Variants in TBL1XR1 observed in about 807,000 individuals in gnomAD.
The protein encoded by TBL1XR1 is TBL1X/Y related 1.
TBL1XR1 carries 5 observed loss-of-function variants against 66.9 expected under a neutral mutation model. The observed-to-expected ratio is 0.07, with a 90% confidence interval of 0.04 to 0.16. The LOEUF (loss-of-function observed/expected upper bound fraction) is 0.16. Among genes scored for constraint, TBL1XR1 ranks in the 10% least tolerant of loss-of-function variants. TBL1XR1 has a pLI of 1.00. For missense variants in TBL1XR1, 238 were observed against 623.2 expected (o/e 0.38, Z 6.58); for synonymous variants, 210 against 206.0 (o/e 1.02, Z -0.17).
intron 2 of TBL1XR1, among the ~76,000 whole-genome samples, chr3:177,067,378 T>C (rs1421079494): frequency 6.6e-6 from 1 of 152,164 alleles, no homozygotes; most frequent in Non-Finnish European, 1.5e-5. Context: ...TATCATTCAG[T>C]CCAAAACTTG....
intron 1 of TBL1XR1, among the ~76,000 whole-genome samples, chr3:177,157,114 T>TA (rs891076655): frequency 1.3e-5 from 2 of 152,094 alleles, no homozygotes; most frequent in African/African-American, 4.8e-5. Flanking sequence ...GAGGCTGAGG[T>TA]AAGAGGACTG....
At chr3:177,197,092 C>A (rs145483026) in intron 1 of TBL1XR1, 29 bp downstream of exon 1, 5 of 152,004 alleles carry the variant, frequency 3.3e-5, no homozygotes, top group African/African-American at 1.2e-4. Flanking sequence ...CGGCCGCCCC[C>A]ACTCCAGGGT....
chr3:177,190,977 A>G (rs1020743517), intron 1 of TBL1XR1, among the ~76,000 whole-genome samples: 3 of 152,198 alleles, frequency 2.0e-5, no homozygotes, highest in Non-Finnish European at 2.9e-5. Context: ...AAATATCCTG[A>G]GTCAGGATGG....
chr3:177,101,957 G>A (rs1374678935), intron 1 of TBL1XR1, among the ~76,000 whole-genome samples: 1 of 150,968 alleles, frequency 6.6e-6, no homozygotes, highest in African/African-American at 2.5e-5. Context: ...TTAACCATTA[G>A]AATTTTTTTT....
At chr3:177,079,005 T>A (rs1479752419) in intron 2 of TBL1XR1, among the ~76,000 whole-genome samples, 2 of 151,906 alleles carry the variant, frequency 1.3e-5, no homozygotes, top group African/African-American at 2.4e-5. Context: ...CCAATTTGAG[T>A]ACCGATACAG....
intron 2 of TBL1XR1, among the ~76,000 whole-genome samples, chr3:177,092,193 T>G (rs1190382036): frequency 6.6e-6 from 1 of 152,176 alleles, no homozygotes; most frequent in African/African-American, 2.4e-5. Flanking sequence ...ATTTCAGATG[T>G]TGGAGCATTT....
intron 12 of TBL1XR1, among the ~76,000 whole-genome samples, chr3:177,034,963 A>G (rs1350040182): frequency 6.6e-6 from 1 of 152,052 alleles, no homozygotes; most frequent in African/African-American, 2.4e-5. Context: ...ATCACTCAAT[A>G]AAGACATGGT....
chr3:177,030,782 C>A (rs999428498), intron 14 of TBL1XR1, among the ~76,000 whole-genome samples: 1 of 152,230 alleles, frequency 6.6e-6, no homozygotes, highest in African/African-American at 2.4e-5. Context: ...GATTCACTTT[C>A]ATCAACTCTG....
intron 1 of TBL1XR1, among the ~76,000 whole-genome samples, chr3:177,122,676 G>A (rs889491014): frequency 2.6e-5 from 4 of 152,124 alleles, no homozygotes; most frequent in African/African-American, 9.7e-5. Context: ...CTAGCAGATA[G>A]GGCTAAATAA....
At chr3:177,057,992 G>C (rs144849086) in intron 3 of TBL1XR1, among the ~76,000 whole-genome samples, 166 of 152,272 alleles carry the variant, frequency 1.1e-3, no homozygotes, top group African/African-American at 4.0e-3. Flanking sequence ...CTTTCTGTAA[G>C]GATGTTAGGG....
chr3:177,039,426 T>C (rs1166962036), intron 10 of TBL1XR1, among the ~76,000 whole-genome samples: 1 of 152,232 alleles, frequency 6.6e-6, no homozygotes, highest in East Asian at 1.9e-4. Flanking sequence ...ATACGGCATA[T>C]GATTTGCAAA....
intron 1 of TBL1XR1, among the ~76,000 whole-genome samples, chr3:177,181,405 G>A (rs1352472635): frequency 4.0e-5 from 6 of 151,786 alleles, no homozygotes; most frequent in Admixed American, 2.0e-4. Context: ...ACCTGAACCC[G>A]GGAGGTGGAG....
chr3:177,045,237 A>G (rs947706427), intron 10 of TBL1XR1, among the ~76,000 whole-genome samples: 3 of 152,146 alleles, frequency 2.0e-5, no homozygotes, highest in Non-Finnish European at 4.4e-5. Context: ...ATTTGAGAAT[A>G]ACCAGGGTTA....
At chr3:177,059,506 A>G (rs529411062) in intron 3 of TBL1XR1, among the ~76,000 whole-genome samples, 6 of 152,228 alleles carry the variant, frequency 3.9e-5, no homozygotes, top group Non-Finnish European at 7.3e-5. Context: ...TTTTACAAAT[A>G]TAACATTTGA....
At chr3:177,087,237 A>AAG in intron 2 of TBL1XR1, among the ~76,000 whole-genome samples, 1 of 149,948 alleles carries the variant, frequency 6.7e-6, no homozygotes, top group Non-Finnish European at 1.5e-5. Context: ...TAAAAAAAAA[A>AAG]TTAAACTAAT....
At chr3:177,113,203 T>C (rs1490295967) in intron 1 of TBL1XR1, among the ~76,000 whole-genome samples, 1 of 150,306 alleles carries the variant, frequency 6.7e-6, no homozygotes, top group Non-Finnish European at 1.5e-5. Context: ...TTTCACCATA[T>C]ACAAAAATTA....
At chr3:177,085,527 T>C (rs1722008806) in intron 2 of TBL1XR1, among the ~76,000 whole-genome samples, 1 of 152,074 alleles carries the variant, frequency 6.6e-6, no homozygotes, top group Non-Finnish European at 1.5e-5. Context: ...GTCAGAATTC[T>C]CAAAGATGCC....
chr3:177,199,476 T>C (rs1400049315), upstream of TBL1XR1, among the ~76,000 whole-genome samples: 1 of 122,184 alleles, frequency 8.2e-6, no homozygotes, highest in Non-Finnish European at 1.8e-5. Flanking sequence ...CAATGAAACA[T>C]ATCTATTGGC....
intron 1 of TBL1XR1, among the ~76,000 whole-genome samples, chr3:177,102,593 G>C (rs1242211608): frequency 6.6e-6 from 1 of 152,158 alleles, no homozygotes; most frequent in Non-Finnish European, 1.5e-5. Context: ...GAAACTATTT[G>C]TATTAAAGGA....
Sources: allele counts gnomAD v4.1 joint callset (sites outside exome capture counted in the v4.1 genomes callset), GRCh38; gene constraint gnomAD v4.1.1; transcripts MANE v1.5; gene names NCBI Gene and HGNC (gene_info 2026-07-23, HGNC 2026-07-21).